The following MGAT4C variants were observed in gnomAD, a reference collection of about 807,000 sequenced individuals.
MGAT4C encodes MGAT4 family member C.
In MGAT4C, 19 loss-of-function variants were observed where a neutral mutation model predicts 40.1. The ratio of observed to expected loss-of-function variants is 0.47; its 90% CI spans 0.33 to 0.70. The LOEUF is 0.70. Among genes scored for constraint, MGAT4C ranks in the 30% least tolerant of loss-of-function variants. The probability of loss-of-function intolerance (pLI) is 0.02; values close to 1 mark genes in which losing one functional copy is unlikely to be tolerated. For synonymous variants in MGAT4C, 181 were observed against 187.1 expected, an observed-to-expected ratio of 0.97 and a Z score of 0.27; for missense variants, 491 against 563.2, an observed-to-expected ratio of 0.87 and a Z score of 1.30.
chr12:86,373,653 GTT>G lies in MGAT4C; in HGVS notation c.-119-39528_-119-39527del, dbSNP rs57145324. ...GGAACTGCCATCACAAAAGAAAATA[GTT>G]TTTTTTTTTTTTGATGTAGCATAGT... is the stretch of plus-strand genomic sequence containing the variant. On this transcript the variant is annotated intron_variant, in intron 3 of 7. Transcript: ENST00000548651. Among the ~76,000 whole-genome samples, 883 of 143,986 alleles carry G rather than the reference GTT, an allele frequency of 6.1e-3. 4 individuals are homozygous for G. Among genetic ancestry groups the G allele is most frequent in the African/African-American group, 0.021 (812 of 39,388 alleles). The allele number at this position is 143,986 out of a possible 152,430, so 94.5% of individuals were successfully genotyped here. A position where few individuals can be genotyped will look rare whatever the true frequency, so the allele number is the denominator to read the frequency against.
In MGAT4C at chr12:85,973,595, C is replaced by T. The variant is rs189958754; in HGVS notation, c.*5694G>A. The T allele has an allele frequency of 3.8e-3, 578 of 150,756 alleles. No individual in the cohort carries two copies. The highest frequency in any genetic ancestry group is 0.014 in the African/African-American group (560 of 41,390). The allele number at this position is 150,756 out of a possible 1,614,324, so 9.3% of individuals were successfully genotyped here. ...TTTTATTATTATGTCTTTGGCTCAC[C>T]TACTTTAAGGAGATGGCTACTTAGG... On this transcript the variant is annotated 3_prime_UTR_variant, in exon 5 of 5. Coordinates refer to ENST00000611864, the MANE Select transcript of MGAT4C (RefSeq NM_001351288.2).
rs969161347 is a variant in MGAT4C at position 86,807,267 on chromosome 12, C to G, written c.-262+31399G>C. Among the ~76,000 whole-genome samples the G allele has an allele frequency of 5.9e-5, 9 of 152,082 alleles. No individual in the cohort carries two copies. In the East Asian group the frequency reaches 9.7e-4, roughly 16 times the overall value. Reference sequence around the variant, plus strand: ...TGCATTAGCTATTTTTCCTAATGCTCTCTCTTCCCCCACTCCACCCTCAGA... The same window carrying G: ...TGCATTAGCTATTTTTCCTAATGCTGTCTCTTCCCCCACTCCACCCTCAGA... On this transcript the variant is annotated intron_variant, in intron 1 of 7. Transcript: ENST00000548651.
rs1045641905 is a variant in MGAT4C, at chr12:85,960,481, A to G, written c.*18808T>C. The G allele has an allele frequency of 6.6e-6, 1 of 152,006 alleles. No individual in the cohort carries two copies. 9.4% of individuals were successfully genotyped at this position (152,006 alleles called of 1,614,324 possible). On this transcript the variant is annotated 3_prime_UTR_variant, in exon 5 of 5. Transcript: ENST00000611864. ...TGAGAGACATAGATGAAAAATGTAA[A>G]ACAACAATTAGCATGTGACATGCTC...
intron 4 of MGAT4C, among the ~76,000 whole-genome samples, chr12:86,269,913 CAT>C (rs1952899358): frequency 6.6e-6 from 1 of 152,044 alleles, no homozygotes; most frequent in Admixed American, 6.6e-5. Flanking sequence ...ATATATATAA[CAT>C]AAAGTTTATT....
intron 2 of MGAT4C, among the ~76,000 whole-genome samples, chr12:86,463,707 G>T (rs145500735): frequency 6.6e-6 from 1 of 152,060 alleles, no homozygotes; most frequent in African/African-American, 2.4e-5. Context: ...CCCATTATGT[G>T]CAGCAAGAAA....
chr12:86,827,000 G>T (rs184484282), intron 1 of MGAT4C, among the ~76,000 whole-genome samples: 20 of 151,360 alleles, frequency 1.3e-4, no homozygotes, highest in Admixed American at 1.1e-3. Context: ...AAATAACATG[G>T]TACTTAATTT....
intron 1 of MGAT4C, among the ~76,000 whole-genome samples, chr12:86,827,883 A>T (rs1952838615): frequency 6.6e-6 from 1 of 151,464 alleles, no homozygotes. Context: ...ACTTGAAAAA[A>T]GTTCGTATGC....
intron 1 of MGAT4C, among the ~76,000 whole-genome samples, chr12:86,216,055 C>T (rs1406968697): frequency 6.6e-6 from 1 of 151,966 alleles, no homozygotes; most frequent in Admixed American, 6.6e-5. Context: ...TTTTTAAATC[C>T]AAGGAGTCTG....
chr12:86,594,972 C>G (rs1961476116), intron 2 of MGAT4C, among the ~76,000 whole-genome samples: 2 of 152,198 alleles, frequency 1.3e-5, no homozygotes. Flanking sequence ...TTGTTCTACA[C>G]ACACGGTCCT....
chr12:86,482,984 C>T (rs1294247077), intron 2 of MGAT4C, among the ~76,000 whole-genome samples: 3 of 152,126 alleles, frequency 2.0e-5, no homozygotes, highest in African/African-American at 7.2e-5. Context: ...AAGTTCAAGG[C>T]ATTAGTTTGT....
At chr12:86,691,562 A>G (rs1242179278) in intron 2 of MGAT4C, among the ~76,000 whole-genome samples, 1 of 152,206 alleles carries the variant, frequency 6.6e-6, no homozygotes, top group East Asian at 1.9e-4. Context: ...CTGAGACTGA[A>G]GACCAGTTAC....
chr12:86,225,046 A>G (rs1951023951), intron 1 of MGAT4C, among the ~76,000 whole-genome samples: 1 of 152,098 alleles, frequency 6.6e-6, no homozygotes, highest in African/African-American at 2.4e-5. Flanking sequence ...TAGCTAGACT[A>G]ACCAAGAAAG....
Position 86,611,410 on chromosome 12 carries a change from A to T in MGAT4C, c.-229+115799T>A, listed in dbSNP as rs900465500. 2.0e-5 allele frequency among the ~76,000 whole-genome samples: 3 copies of T among 150,752 alleles called. No individual in the cohort carries two copies. The South Asian group carries it at 6.3e-4, about 32-fold the overall frequency. On this transcript the variant is annotated intron_variant, in intron 2 of 7. Transcript: ENST00000548651. ...TAGATAGGTAGGTAGGTAGGTAGGT[A>T]GGTAGGTAGGTAGATAGATAGATGA...
intron 2 of MGAT4C, among the ~76,000 whole-genome samples, chr12:86,655,297 T>C (rs1339128253): frequency 6.6e-6 from 1 of 152,070 alleles, no homozygotes; most frequent in African/African-American, 2.4e-5. Flanking sequence ...GGTTCTTAAT[T>C]GCTTCTTTTC....
chr12:86,443,188 G>T lies in MGAT4C; in HGVS notation c.-228-7923C>A, dbSNP rs572448884. Reference sequence around the variant, plus strand: ...ATATTTCCACTGACATTATATATGTGTGTGTGTGTATATATATACACACAC... The same window carrying T: ...ATATTTCCACTGACATTATATATGTTTGTGTGTGTATATATATACACACAC... On this transcript the variant is annotated intron_variant, in intron 2 of 7. Coordinates refer to the MGAT4C transcript ENST00000548651. Among the ~76,000 whole-genome samples, 6 of 150,468 alleles carry T rather than the reference G, an allele frequency of 4.0e-5. No homozygotes were observed. The South Asian group carries it at 1.1e-3, about 26-fold the overall frequency.
intron 1 of MGAT4C, among the ~76,000 whole-genome samples, chr12:86,770,108 G>C (rs996878040): frequency 6.6e-6 from 1 of 152,010 alleles, no homozygotes; most frequent in African/African-American, 2.4e-5. Flanking sequence ...CTTATGATCT[G>C]ATGAGGATGA....
intron 1 of MGAT4C, among the ~76,000 whole-genome samples, chr12:86,731,376 C>A (rs1020538969): frequency 6.6e-6 from 1 of 152,000 alleles, no homozygotes; most frequent in Admixed American, 6.6e-5. Flanking sequence ...AAGAATAATA[C>A]CCAAATAAAT....
At position 86,226,817 on chromosome 12, in the gene MGAT4C, A is replaced by G. The variant is rs150516514; in HGVS notation, c.-57+29422T>C. ...GTTTTTAAATTCTCTCCTCTCTACT[A>G]TAATGTCCATATCAGAATATAGTAT... is the stretch of plus-strand genomic sequence containing the variant. On this transcript the variant is annotated intron_variant, in intron 1 of 4. Transcript: ENST00000611864. 3.4e-4 allele frequency among the ~76,000 whole-genome samples: 51 copies of G among 152,030 alleles called. 1 individual carries two copies. The highest frequency in any genetic ancestry group is 1.0e-3 in the Admixed American group (16 of 15,270).
At chr12:86,363,762 G>A (rs1242884180) in intron 3 of MGAT4C, among the ~76,000 whole-genome samples, 1 of 151,908 alleles carries the variant, frequency 6.6e-6, no homozygotes, top group Non-Finnish European at 1.5e-5. Flanking sequence ...GCCAGAAAGA[G>A]AGAAATAGTG....
Sources: allele counts gnomAD v4.1 joint callset (sites outside exome capture counted in the v4.1 genomes callset), GRCh38; gene constraint gnomAD v4.1.1; transcripts MANE v1.5; gene names NCBI Gene and HGNC (gene_info 2026-07-23, HGNC 2026-07-21).